The following TTI1 variants were observed in gnomAD, a reference collection of about 807,000 sequenced individuals.
TTI1 encodes TELO2 interacting protein 1, also known as TELO2-interacting protein 1 homolog.
In TTI1, 52 loss-of-function variants were observed where a neutral mutation model predicts 85.4. That is an observed-to-expected ratio of 0.61 (90% CI 0.49 to 0.77). TTI1 has a LOEUF of 0.77. Among genes scored for constraint, TTI1 ranks in the 30% least tolerant of loss-of-function variants. TTI1 has a pLI of 0.00. For missense variants in TTI1, 1,173 were observed against 1,296.0 expected, an observed-to-expected ratio of 0.91 and a Z score of 1.46; for synonymous variants, 512 against 503.9, an observed-to-expected ratio of 1.02 and a Z score of -0.22.
intron 1 of TTI1, among the ~76,000 whole-genome samples, chr20:38,029,035 T>C (rs2073871549): frequency 1.3e-5 from 2 of 152,042 alleles, no homozygotes; most frequent in African/African-American, 4.8e-5. Flanking sequence ...TCATAGAACA[T>C]AAGACAGATG....
chr20:37,985,651 C>T (rs2073181024), intron 7 of TTI1, among the ~76,000 whole-genome samples: 1 of 152,014 alleles, frequency 6.6e-6, no homozygotes, highest in Admixed American at 6.6e-5. Flanking sequence ...CCTCAGCCTC[C>T]TGAGTAGCTG....
rs2073144083 is a variant in TTI1, at chr20:37,983,153, T to A, written c.*303A>T. The A allele has an allele frequency of 3.6e-6, 1 of 276,714 alleles. No individual in the cohort carries two copies. The highest frequency in any genetic ancestry group is 7.0e-6 in the Non-Finnish European group (1 of 143,494). 17.1% of individuals were successfully genotyped at this position (276,714 alleles called of 1,614,324 possible). ...GATGGAGGGGAACTGACCTCTTGTG[T>A]GTGTGTGTGTGTGGCCTGTGAGGGA... On this transcript the variant is annotated 3_prime_UTR_variant, in exon 8 of 8. Transcript: ENST00000373447.
intron 6 of TTI1, 83 bp from the exon 7 acceptor site, chr20:37,996,545 G>GC: frequency 1.3e-6 from 2 of 1,518,708 alleles, no homozygotes; most frequent in Non-Finnish European, 1.8e-6. Context: ...TGGAGAAACT[G>GC]CAACAGCTAG....
intron 1 of TTI1, among the ~76,000 whole-genome samples, chr20:38,018,745 T>C (rs568681124): frequency 1.3e-5 from 2 of 150,086 alleles, no homozygotes; most frequent in Non-Finnish European, 1.5e-5. Context: ...CAGGAGTCAA[T>C]AGAATGCTAT....
At chr20:38,019,966 A>G (rs1276534743) in intron 1 of TTI1, among the ~76,000 whole-genome samples, 1 of 152,204 alleles carries the variant, frequency 6.6e-6, no homozygotes, top group Non-Finnish European at 1.5e-5. Context: ...TGGTAGAGTC[A>G]GCATAATCCT....
chr20:38,003,525 G>A (rs188254196), intron 3 of TTI1, among the ~76,000 whole-genome samples: 24 of 152,260 alleles, frequency 1.6e-4, no homozygotes, highest in African/African-American at 5.3e-4. Context: ...GGTTGAGGCA[G>A]GTGGATCACC....
At chr20:37,989,661 C>T (rs974625034) in intron 7 of TTI1, among the ~76,000 whole-genome samples, 8 of 152,240 alleles carry the variant, frequency 5.3e-5, no homozygotes, top group Non-Finnish European at 1.2e-4. Flanking sequence ...AGGGCTGACT[C>T]GGACCTTTCC....
intron 3 of TTI1, among the ~76,000 whole-genome samples, chr20:38,003,991 T>A (rs1192153720): frequency 6.6e-6 from 1 of 152,146 alleles, no homozygotes; most frequent in African/African-American, 2.4e-5. Context: ...TTGGTGTAGT[T>A]CATAGGGCAT....
intron 1 of TTI1, among the ~76,000 whole-genome samples, chr20:38,024,535 A>C (rs1002331485): frequency 2.0e-5 from 3 of 152,154 alleles, no homozygotes; most frequent in African/African-American, 7.2e-5. Flanking sequence ...GGAAGCACCA[A>C]TGGGCACAGA....
At chr20:38,026,228 C>A (rs2073835057) in intron 1 of TTI1, among the ~76,000 whole-genome samples, 1 of 152,032 alleles carries the variant, frequency 6.6e-6, no homozygotes. Context: ...GGTGCCAAAT[C>A]CATTCATAGC....
intron 7 of TTI1, among the ~76,000 whole-genome samples, chr20:37,985,585 T>G (rs1370380260): frequency 6.6e-6 from 1 of 151,460 alleles, no homozygotes; most frequent in African/African-American, 2.4e-5. Flanking sequence ...TGGAGTGCAA[T>G]GGCGCGATCT....
intron 7 of TTI1, among the ~76,000 whole-genome samples, chr20:37,984,799 T>A (rs1255151324): frequency 2.0e-5 from 3 of 152,214 alleles, no homozygotes; most frequent in African/African-American, 7.2e-5. Flanking sequence ...AGGGACCACA[T>A]CTGTTCTGTA....
intron 7 of TTI1, among the ~76,000 whole-genome samples, chr20:37,985,633 T>A (rs1263723611): frequency 6.6e-6 from 1 of 151,872 alleles, no homozygotes; most frequent in African/African-American, 2.4e-5. Flanking sequence ...GTTCAAGCGA[T>A]CCTCCTGCCT....
chr20:38,030,134 G>C (rs1243580573), intron 1 of TTI1, among the ~76,000 whole-genome samples: 1 of 151,434 alleles, frequency 6.6e-6, no homozygotes, highest in Non-Finnish European at 1.5e-5. Flanking sequence ...CAATAGGAAA[G>C]AGATTATTTT....
Position 38,012,754 on chromosome 20 carries a change from G to C in TTI1, c.1063C>G (p.Leu355Val). The C allele has an allele frequency of 6.2e-7, 1 of 1,614,166 alleles. No homozygotes were observed. The part of the protein sequence containing the change: ...PEIQAQCNKV[L>V]RHFADQKVVV... ...ACTTTTTGATCTGCAAAATGTCTCA[G>C]AACTTTATTGCACTGGGCTTGGATT... Residue 355 changes from leucine (L) to valine (V), a missense_variant, in exon 2 of 8, where the codon CTG becomes GTG. Transcript: ENST00000373447.
chr20:37,987,427 CT>C (rs766594795), intron 7 of TTI1: 1 of 437,604 alleles, frequency 2.3e-6, no homozygotes, highest in South Asian at 1.6e-5. Flanking sequence ...CCAGTTCCAT[CT>C]TTTTTCAAAC....
At position 38,012,763 on chromosome 20, in the gene TTI1, T is replaced by G; in HGVS notation, c.1054A>C (p.Asn352His). Residue 352 changes from asparagine (N) to histidine (H), a missense_variant, in exon 2 of 8, where the codon AAT becomes CAT. Asn to His is a moderately conservative substitution (Grantham distance 68, BLOSUM62 1). Transcript: ENST00000373447. ...DESPEIQAQC[N>H]KVLRHFADQK... ...TCTGCAAAATGTCTCAGAACTTTAT[T>G]GCACTGGGCTTGGATTTCAGGACTC... 2.5e-6 allele frequency: 4 copies of G among 1,614,188 alleles called. No individual in the cohort carries two copies. The highest frequency in any genetic ancestry group is 3.4e-6 in the Non-Finnish European group (4 of 1,180,036).
At chr20:38,009,053 T>C (rs1294663432) in intron 2 of TTI1, among the ~76,000 whole-genome samples, 1 of 152,064 alleles carries the variant, frequency 6.6e-6, no homozygotes, top group Admixed American at 6.5e-5. Context: ...ACCGAAGACA[T>C]CAGCAATCTA....
In TTI1 at chr20:37,983,216, C is replaced by G. The variant is rs2122462826; in HGVS notation, c.*240G>C. ...GAGATGGTAGGCTAAGGGGTTAAACCCTTAGAGCCACCAGACAATGTCACT... is the reference window on the plus strand; with the variant it reads ...GAGATGGTAGGCTAAGGGGTTAAACGCTTAGAGCCACCAGACAATGTCACT... On this transcript the variant is annotated 3_prime_UTR_variant, in exon 8 of 8. Coordinates refer to ENST00000373447, the MANE Select transcript of TTI1 (RefSeq NM_001303457.2). 2 of 452,120 alleles carry G rather than the reference C, an allele frequency of 4.4e-6. No homozygotes were observed. The highest frequency in any genetic ancestry group is 8.1e-6 in the Non-Finnish European group (2 of 248,076). The allele number at this position is 452,120 out of a possible 1,614,324, so 28.0% of individuals were successfully genotyped here.
Sources: allele counts gnomAD v4.1 joint callset (sites outside exome capture counted in the v4.1 genomes callset), GRCh38; gene constraint gnomAD v4.1.1; transcripts MANE v1.5; gene names NCBI Gene and HGNC (gene_info 2026-07-23, HGNC 2026-07-21).